The following RHBDD1 variants were observed in gnomAD, a reference collection of about 807,000 sequenced individuals.
RHBDD1 encodes the protein rhomboid-related protein 4.
A neutral mutation model predicts 36.3 loss-of-function variants in RHBDD1; 38 were observed. The observed-to-expected ratio is 1.05, with a 90% CI of 0.81 to 1.37. The LOEUF (loss-of-function observed/expected upper bound fraction) is 1.37, where lower values mean the gene tolerates loss of function less well. Among genes scored for constraint, RHBDD1 ranks in the 40% most tolerant of loss-of-function variants. The pLI is 0.00. For synonymous variants in RHBDD1, 151 were observed against 136.5 expected, an observed-to-expected ratio of 1.11 and a Z score of -0.74; for missense variants, 393 against 377.6, an observed-to-expected ratio of 1.04 and a Z score of -0.34.
intron 8 of RHBDD1, among the ~76,000 whole-genome samples, chr2:226,992,837 T>C (rs1958561810): frequency 6.6e-6 from 1 of 152,220 alleles, no homozygotes; most frequent in Non-Finnish European, 1.5e-5. Flanking sequence ...GAAGGTTCGC[T>C]GTTCTTCATG....
chr2:226,877,749 A>G (rs1272816043), intron 5 of RHBDD1, among the ~76,000 whole-genome samples: 3 of 152,052 alleles, frequency 2.0e-5, no homozygotes, highest in Non-Finnish European at 4.4e-5. Context: ...ATTTCATCAC[A>G]CGGTGTATTA....
chr2:226,945,036 A>G (rs974775625), intron 8 of RHBDD1, among the ~76,000 whole-genome samples: 1 of 151,994 alleles, frequency 6.6e-6, no homozygotes, highest in African/African-American at 2.4e-5. Context: ...GAGGATTGCA[A>G]TTTATCAGAG....
At chr2:226,976,616 A>C (rs191865952) in intron 8 of RHBDD1, among the ~76,000 whole-genome samples, 1 of 152,142 alleles carries the variant, frequency 6.6e-6, no homozygotes, top group South Asian at 2.1e-4. Context: ...TAGAACACTT[A>C]GAGGAAGAGA....
intron 8 of RHBDD1, among the ~76,000 whole-genome samples, chr2:226,919,959 G>A (rs559787831): frequency 2.0e-4 from 31 of 152,092 alleles, no homozygotes; most frequent in African/African-American, 7.0e-4. Flanking sequence ...CCATGAACAC[G>A]GAATATGTTT....
rs187754855 is a variant in RHBDD1, at chr2:226,862,310, G to C, written c.-90-2294G>C. On this transcript the variant is annotated intron_variant, in intron 3 of 8. Transcript: ENST00000392062. ...AAATTGAAGTTCAGAAAGTTTAAAT[G>C]ATTTGCCCCAGGTCACAGAGCTAGA... Among the ~76,000 whole-genome samples the C allele has an allele frequency of 1.7e-3, 253 of 150,676 alleles. 1 individual carries two copies. The highest frequency in any genetic ancestry group is 5.5e-3 in the African/African-American group (225 of 41,054).
chr2:226,978,034 ATGT>A (rs1954907386), intron 8 of RHBDD1, among the ~76,000 whole-genome samples: 1 of 152,202 alleles, frequency 6.6e-6, no homozygotes, highest in African/African-American at 2.4e-5. Flanking sequence ...TAGATCTGTC[ATGT>A]TGGTGTAGTG....
chr2:226,823,157 G>A, the RHBDD1 span, among the ~76,000 whole-genome samples: 2 of 152,128 alleles, frequency 1.3e-5, no homozygotes, highest in African/African-American at 4.8e-5. Flanking sequence ...GGGCTTGTTT[G>A]CCTCTTTTTG....
intron 8 of RHBDD1, among the ~76,000 whole-genome samples, chr2:226,938,912 A>T (rs1281555772): frequency 6.6e-6 from 1 of 152,208 alleles, no homozygotes; most frequent in African/African-American, 2.4e-5. Context: ...CCAGCAGCAC[A>T]TCAAAAAGCT....
chr2:226,888,610 GT>G (rs79704556), intron 5 of RHBDD1, among the ~76,000 whole-genome samples: 30 of 147,078 alleles, frequency 2.0e-4, no homozygotes, highest in African/African-American at 6.2e-4. Context: ...TTTGTGTCTT[GT>G]TTTTTTTTTC....
the RHBDD1 span, among the ~76,000 whole-genome samples, chr2:226,815,502 A>T: frequency 6.6e-6 from 1 of 152,220 alleles, no homozygotes; most frequent in Non-Finnish European, 1.5e-5. Context: ...AATACATTGA[A>T]TATTTTACTT....
At chr2:226,960,175 T>C (rs1449064599) in intron 8 of RHBDD1, among the ~76,000 whole-genome samples, 1 of 152,208 alleles carries the variant, frequency 6.6e-6, no homozygotes, top group Non-Finnish European at 1.5e-5. Context: ...CTGGTTCTAT[T>C]TTACATTCTC....
intron 5 of RHBDD1, among the ~76,000 whole-genome samples, chr2:226,871,285 C>T (rs181408919): frequency 9.3e-4 from 142 of 152,132 alleles, no homozygotes; most frequent in African/African-American, 3.4e-3. Context: ...AATGTTGATG[C>T]ACCATTTGAC....
chr2:226,966,682 C>G (rs1372847554), intron 8 of RHBDD1, among the ~76,000 whole-genome samples: 2 of 152,106 alleles, frequency 1.3e-5, no homozygotes, highest in Admixed American at 6.5e-5. Flanking sequence ...CAGTGCAGAT[C>G]TAGAGCATTG....
At chr2:226,958,702 C>G (rs1011960509) in intron 8 of RHBDD1, among the ~76,000 whole-genome samples, 4 of 138,826 alleles carry the variant, frequency 2.9e-5, no homozygotes, top group African/African-American at 1.1e-4. Flanking sequence ...AAGGATTTTT[C>G]TGTGTGTGTG....
chr2:226,956,219 G>T (rs2149244911), intron 8 of RHBDD1, among the ~76,000 whole-genome samples: 1 of 152,184 alleles, frequency 6.6e-6, no homozygotes, highest in Admixed American at 6.5e-5. Flanking sequence ...TGCTCAACTT[G>T]CTCCCACGCC....
At position 226,973,224 on chromosome 2, in the gene RHBDD1, C is replaced by T. The variant is rs548198513; in HGVS notation, c.857-22207C>T. 1.4e-4 allele frequency among the ~76,000 whole-genome samples: 21 copies of T among 152,300 alleles called. No homozygotes were observed. In the East Asian group the frequency reaches 3.7e-3, roughly 27 times the overall value. On this transcript the variant is annotated intron_variant, in intron 8 of 8. Coordinates refer to ENST00000392062, the MANE Select transcript of RHBDD1 (RefSeq NM_001167608.3). ...GATCTTCTTCCAAACTCATCCAAAC[C>T]ATTTAATTTGTAGCAGGAATCCCAA...
chr2:226,826,033 C>T, the RHBDD1 span, among the ~76,000 whole-genome samples: 2 of 152,140 alleles, frequency 1.3e-5, no homozygotes, highest in East Asian at 1.9e-4. Flanking sequence ...TGAGCTCTTA[C>T]AGGATGTTAG....
intron 8 of RHBDD1, among the ~76,000 whole-genome samples, chr2:226,964,240 C>A (rs1952447634): frequency 6.6e-6 from 1 of 152,242 alleles, no homozygotes; most frequent in African/African-American, 2.4e-5. Context: ...CTACTACAGT[C>A]ATGTTGCTAC....
At chr2:226,951,910 A>G (rs532862473) in intron 8 of RHBDD1, among the ~76,000 whole-genome samples, 1 of 152,256 alleles carries the variant, frequency 6.6e-6, no homozygotes, top group African/African-American at 2.4e-5. Flanking sequence ...GACCAAAGAT[A>G]TACTTTGCTA....
Sources: allele counts gnomAD v4.1 joint callset (sites outside exome capture counted in the v4.1 genomes callset), GRCh38; gene constraint gnomAD v4.1.1; transcripts MANE v1.5; gene names NCBI Gene and HGNC (gene_info 2026-07-23, HGNC 2026-07-21).